The following ASAP1 variants were observed in gnomAD, a reference collection of about 807,000 sequenced individuals.
ASAP1 encodes the protein arf-GAP with SH3 domain, ANK repeat and PH domain-containing protein 1.
In ASAP1, 43 loss-of-function variants were observed where a neutral mutation model predicts 145.2. That is an observed-to-expected ratio of 0.30 (90% CI 0.23 to 0.38). The LOEUF (loss-of-function observed/expected upper bound fraction) is 0.38, where lower values mean the gene tolerates loss of function less well. Ranked by LOEUF, ASAP1 falls within the 10% of genes least tolerant of loss-of-function variation. The pLI, the probability that ASAP1 is intolerant of heterozygous loss-of-function variation, is 1.00. For missense variants in ASAP1, 1,018 were observed against 1,355.3 expected, an observed-to-expected ratio of 0.75 and a Z score of 3.91; for synonymous variants, 546 against 515.5, an observed-to-expected ratio of 1.06 and a Z score of -0.80.
chr8:130,344,985 T>C (rs1404967965), intron 3 of ASAP1, among the ~76,000 whole-genome samples: 2 of 152,182 alleles, frequency 1.3e-5, no homozygotes, highest in Non-Finnish European at 2.9e-5. Flanking sequence ...CATAGGTCTG[T>C]CTCTTTCAAA....
At chr8:130,357,615 G>C (rs531064442) in intron 3 of ASAP1, among the ~76,000 whole-genome samples, 1 of 152,342 alleles carries the variant, frequency 6.6e-6, no homozygotes, top group East Asian at 1.9e-4. Flanking sequence ...CCATCTCCTA[G>C]TCCCTTGCTG....
chr8:130,062,987 C>A (rs912301477), intron 27 of ASAP1, among the ~76,000 whole-genome samples: 81 of 151,766 alleles, frequency 5.3e-4, no homozygotes, highest in African/African-American at 1.9e-3. Flanking sequence ...AACCAACAAA[C>A]AACAATGATA....
intron 3 of ASAP1, among the ~76,000 whole-genome samples, chr8:130,301,944 G>A (rs1305905087): frequency 6.6e-6 from 1 of 152,234 alleles, no homozygotes; most frequent in Non-Finnish European, 1.5e-5. Context: ...GTAATGAGAA[G>A]ACTGTAACCT....
At chr8:130,403,211 T>C (rs1002276071) in intron 1 of ASAP1, among the ~76,000 whole-genome samples, 5 of 152,084 alleles carry the variant, frequency 3.3e-5, no homozygotes, top group African/African-American at 1.2e-4. Context: ...TAGCAATAAT[T>C]CCTTGATATC....
chr8:130,344,774 A>C (rs1164374450), intron 3 of ASAP1, among the ~76,000 whole-genome samples: 2 of 152,118 alleles, frequency 1.3e-5, no homozygotes, highest in Non-Finnish European at 2.9e-5. Flanking sequence ...AAAAACAACA[A>C]AGAAAAACTG....
At chr8:130,060,075 C>CAAAAAA (rs55875346) in intron 28 of ASAP1, among the ~76,000 whole-genome samples, 2 of 95,902 alleles carry the variant, frequency 2.1e-5, no homozygotes, top group African/African-American at 7.9e-5. Flanking sequence ...GAGCCCTTCT[C>CAAAAAA]AAAAAAAAAA....
At chr8:130,213,166 C>A (rs1237426290) in intron 5 of ASAP1, among the ~76,000 whole-genome samples, 2 of 152,092 alleles carry the variant, frequency 1.3e-5, no homozygotes, top group Non-Finnish European at 2.9e-5. Context: ...TTGTTAAATC[C>A]AAAAGCACAG....
chr8:130,315,167 G>A (rs2137586811), intron 3 of ASAP1, among the ~76,000 whole-genome samples: 1 of 152,308 alleles, frequency 6.6e-6, no homozygotes, highest in South Asian at 2.1e-4. Flanking sequence ...TGGGCAGGGA[G>A]AGTTCACAAG....
intron 26 of ASAP1, among the ~76,000 whole-genome samples, chr8:130,078,885 T>G (rs1480716886): frequency 6.6e-6 from 1 of 151,670 alleles, no homozygotes; most frequent in Non-Finnish European, 1.5e-5. Flanking sequence ...TTATAAAGAG[T>G]ACATAAGATA....
chr8:130,102,124 T>C (rs2097529819), intron 24 of ASAP1, among the ~76,000 whole-genome samples: 1 of 152,170 alleles, frequency 6.6e-6, no homozygotes, highest in African/African-American at 2.4e-5. Flanking sequence ...TAGGACTACT[T>C]CCAGCACTAT....
At chr8:130,290,633 C>G (rs896142226) in intron 3 of ASAP1, among the ~76,000 whole-genome samples, 5 of 152,228 alleles carry the variant, frequency 3.3e-5, no homozygotes, top group Non-Finnish European at 7.3e-5. Flanking sequence ...TCATTCTTCT[C>G]AGGCTGCAGT....
chr8:130,374,479 G>A (rs1361235292), intron 2 of ASAP1, among the ~76,000 whole-genome samples: 6 of 152,168 alleles, frequency 3.9e-5, no homozygotes, highest in South Asian at 2.1e-4. Context: ...AGACTAGGCC[G>A]GGCGCGGTGG....
At chr8:130,407,159 G>A (rs564629369) in intron 1 of ASAP1, among the ~76,000 whole-genome samples, 61 of 152,276 alleles carry the variant, frequency 4.0e-4, no homozygotes, top group South Asian at 8.3e-4. Flanking sequence ...TTACTGCCTC[G>A]TTTAATCCCC....
At chr8:130,097,777 C>A (rs1485881006) in intron 24 of ASAP1, among the ~76,000 whole-genome samples, 1 of 152,140 alleles carries the variant, frequency 6.6e-6, no homozygotes. Flanking sequence ...CTCCCAGGAA[C>A]TGACATTCTC....
chr8:130,134,324 G>T lies in ASAP1; in HGVS notation c.1189C>A (p.Gln397Lys). ...LISHNRTYHFQAEDEQDYVAW... is the reference protein window; with the variant it reads ...LISHNRTYHFKAEDEQDYVAW... ...ACATAATCCTGCTCATCTTCTGCCTGAAAGTGATATGTTCTATTATCTAAA... is the reference window on the plus strand; with the variant it reads ...ACATAATCCTGCTCATCTTCTGCCTTAAAGTGATATGTTCTATTATCTAAA... Residue 397 changes from glutamine (Q) to lysine (K), a missense_variant, in exon 15 of 30, where the codon CAG (glutamine) becomes AAG (lysine). Gln to Lys is a moderately conservative substitution (Grantham distance 53, BLOSUM62 1). Transcript: ENST00000518721. 6.3e-7 allele frequency: 1 copy of T among 1,584,852 alleles called. No homozygotes were observed. The highest frequency in any genetic ancestry group is 8.6e-7 in the Non-Finnish European group (1 of 1,165,120).
At chr8:130,098,226 G>C (rs2097522505) in intron 24 of ASAP1, among the ~76,000 whole-genome samples, 1 of 152,292 alleles carries the variant, frequency 6.6e-6, no homozygotes, top group Non-Finnish European at 1.5e-5. Flanking sequence ...TCTGACTCAA[G>C]GCCAGACTCT....
At chr8:130,310,122 C>T (rs1236656850) in intron 3 of ASAP1, among the ~76,000 whole-genome samples, 2 of 101,192 alleles carry the variant, frequency 2.0e-5, no homozygotes, top group African/African-American at 8.1e-5. Flanking sequence ...CAAAATGGGG[C>T]TAATACAGTT....
chr8:130,324,918 T>G (rs1824231737), intron 3 of ASAP1, among the ~76,000 whole-genome samples: 1 of 152,178 alleles, frequency 6.6e-6, no homozygotes, highest in Non-Finnish European at 1.5e-5. Context: ...CTAGACAGTC[T>G]GCCTCGTAAC....
chr8:130,217,007 T>C (rs1429600316), intron 4 of ASAP1, among the ~76,000 whole-genome samples: 1 of 152,222 alleles, frequency 6.6e-6, no homozygotes, highest in Non-Finnish European at 1.5e-5. Context: ...ACATTACCAC[T>C]TGCCATGGAT....
Sources: gnomAD v4.1 joint callset for allele counts (sites outside exome capture counted in the v4.1 genomes callset) on GRCh38, gnomAD v4.1.1 for gene constraint, MANE v1.5 for transcripts, NCBI Gene and HGNC (gene_info 2026-07-23, HGNC 2026-07-21) for gene names.